Variants in CFAP54 observed in about 807,000 individuals in gnomAD.
CFAP54 encodes cilia and flagella associated protein 54.
In CFAP54, 290 loss-of-function variants were observed where a neutral mutation model predicts 370.4. The ratio of observed to expected loss-of-function variants is 0.78; its 90% confidence interval spans 0.71 to 0.86. CFAP54 has a LOEUF of 0.86. Ranked by LOEUF, CFAP54 falls within the 40% of genes least tolerant of loss-of-function variation. The pLI is 0.00. For synonymous variants in CFAP54, 1,206 were observed against 1,236.5 expected, an observed-to-expected ratio of 0.98 and a Z score of 0.52; for missense variants, 3,399 against 3,528.7, an observed-to-expected ratio of 0.96 and a Z score of 0.93.
intron 63 of CFAP54, among the ~76,000 whole-genome samples, chr12:96,804,908 A>G (rs778147204): frequency 1.3e-4 from 20 of 152,162 alleles, no homozygotes; most frequent in Non-Finnish European, 2.2e-4. Flanking sequence ...ACATACATCA[A>G]TGAAAAGACT....
chr12:96,737,630 C>CA (rs1407847421), intron 50 of CFAP54, among the ~76,000 whole-genome samples: 6 of 151,922 alleles, frequency 3.9e-5, no homozygotes, highest in Middle Eastern at 6.8e-3. Context: ...GCTGGGATTA[C>CA]AGGTGCCTGC....
chr12:96,664,779 A>ATC (rs1957055941), intron 39 of CFAP54, among the ~76,000 whole-genome samples: 1 of 13,868 alleles, frequency 7.2e-5, no homozygotes, highest in South Asian at 1.7e-3. Context: ...ATCTATATCT[A>ATC]TATATATATA....
intron 55 of CFAP54, among the ~76,000 whole-genome samples, chr12:96,753,276 T>G (rs1958210835): frequency 6.6e-6 from 1 of 152,130 alleles, no homozygotes; most frequent in Admixed American, 6.5e-5. Context: ...TGCTGTCTAG[T>G]GGAGATGACA....
At chr12:96,629,593 G>A (rs1328319439) in intron 30 of CFAP54, among the ~76,000 whole-genome samples, 4 of 151,874 alleles carry the variant, frequency 2.6e-5, no homozygotes, top group South Asian at 2.1e-4. Flanking sequence ...GATTACAGAC[G>A]TGAGCCACCA....
chr12:96,814,996 A>C (rs1185207729), intron 64 of CFAP54, among the ~76,000 whole-genome samples: 1 of 152,168 alleles, frequency 6.6e-6, no homozygotes, highest in Non-Finnish European at 1.5e-5. Context: ...GCTATTGTAA[A>C]TAGTGCTGCA....
intron 17 of CFAP54, among the ~76,000 whole-genome samples, chr12:96,559,357 C>T (rs913294094): frequency 2.4e-4 from 36 of 152,104 alleles, no homozygotes; most frequent in Admixed American, 1.4e-3. Flanking sequence ...TGTATTAAAA[C>T]ATCTCATGTA....
chr12:96,635,038 T>C (rs1956648983), intron 32 of CFAP54, among the ~76,000 whole-genome samples: 1 of 152,236 alleles, frequency 6.6e-6, no homozygotes, highest in African/African-American at 2.4e-5. Context: ...ACTTTATTTT[T>C]TTTACAAAGT....
intron 3 of CFAP54, among the ~76,000 whole-genome samples, chr12:96,505,880 C>T (rs986166281): frequency 1.3e-5 from 2 of 152,148 alleles, no homozygotes; most frequent in African/African-American, 2.4e-5. Context: ...TTTCCCTCCT[C>T]TAAGAGCAGT....
chr12:96,539,585 G>A (rs1355470622), intron 13 of CFAP54, among the ~76,000 whole-genome samples: 1 of 152,094 alleles, frequency 6.6e-6, no homozygotes, highest in Non-Finnish European at 1.5e-5. Flanking sequence ...TGAGGCAGGA[G>A]GATTGCTTGA....
rs759108711 is a variant in CFAP54, at chr12:96,679,619, G to A, written c.5583G>A (p.Ala1861=). The change falls in exon 40 of 68, where the codon GCG becomes GCA. Residue 1861 remains alanine (A), a synonymous_variant. Transcript: ENST00000524981. ...TTTCAGAATACAGCCGAGCCAAAGC[G>A]CTTGTCTGCGTGCCCGTGGACGTGA... is the stretch of plus-strand genomic sequence containing the variant. ...LISSEYSRAK[A]LVCVPVDVTD... 1.5e-5 allele frequency: 24 copies of A among 1,612,604 alleles called. 1 individual carries two copies. The highest frequency in any genetic ancestry group is 3.3e-5 in the Admixed American group (2 of 59,820).
At chr12:96,742,727 A>T in intron 52 of CFAP54, 141 bp downstream of exon 52, 1 of 847,514 alleles carries the variant, frequency 1.2e-6, no homozygotes, top group Non-Finnish European at 1.8e-6. Flanking sequence ...AATTCAGGTT[A>T]TTAATATATA....
intron 60 of CFAP54, among the ~76,000 whole-genome samples, chr12:96,767,426 T>C (rs1431844735): frequency 6.6e-6 from 1 of 152,242 alleles, no homozygotes; most frequent in East Asian, 1.9e-4. Flanking sequence ...AACCTAAGCT[T>C]TCTTGTTCCG....
intron 67 of CFAP54, among the ~76,000 whole-genome samples, chr12:96,869,340 G>T (rs2136471275): frequency 6.6e-6 from 1 of 152,242 alleles, no homozygotes; most frequent in Admixed American, 6.5e-5. Context: ...GACTTCAAAG[G>T]CTGATTCTTT....
intron 32 of CFAP54, among the ~76,000 whole-genome samples, chr12:96,641,938 C>G (rs7961765): frequency 0.74 from 102,009 of 136,962 alleles, 37,455 homozygotes; most frequent in Non-Finnish European, 0.78. Context: ...TGGGGTGGTG[C>G]GGGGGGGGAG....
chr12:96,718,814 G>A (rs372049285), intron 49 of CFAP54, among the ~76,000 whole-genome samples: 6 of 152,246 alleles, frequency 3.9e-5, no homozygotes, highest in South Asian at 2.1e-4. Context: ...CGAGGTGGGC[G>A]GATCACCTGA....
intron 50 of CFAP54, among the ~76,000 whole-genome samples, chr12:96,737,349 A>G (rs1957990571): frequency 6.6e-6 from 1 of 152,118 alleles, no homozygotes; most frequent in South Asian, 2.1e-4. Flanking sequence ...GTCAGGTGGC[A>G]AACACTTGGT....
intron 65 of CFAP54, among the ~76,000 whole-genome samples, chr12:96,827,994 A>G (rs1367715882): frequency 2.5e-5 from 3 of 120,240 alleles, no homozygotes; most frequent in Non-Finnish European, 4.9e-5. Context: ...ATATATAGTT[A>G]TATATAATAT....
intron 39 of CFAP54, among the ~76,000 whole-genome samples, chr12:96,668,966 T>C (rs1408515813): frequency 1.3e-5 from 2 of 152,190 alleles, no homozygotes; most frequent in Non-Finnish European, 2.9e-5. Flanking sequence ...TACTAGGTAC[T>C]GAGGATATAA....
intron 17 of CFAP54, among the ~76,000 whole-genome samples, chr12:96,557,418 C>T (rs1446770216): frequency 6.6e-6 from 1 of 152,058 alleles, no homozygotes; most frequent in Non-Finnish European, 1.5e-5. Flanking sequence ...AATTATGACC[C>T]AGCAATGTCA....
Sources: gnomAD v4.1 joint callset for allele counts (sites outside exome capture counted in the v4.1 genomes callset) on GRCh38, gnomAD v4.1.1 for gene constraint, MANE v1.5 for transcripts, NCBI Gene and HGNC (gene_info 2026-07-23, HGNC 2026-07-21) for gene names.